The following EBF1 variants were observed in gnomAD, a reference collection of about 807,000 sequenced individuals.
EBF1 encodes the protein transcription factor COE1.
Under a neutral mutation model 68.4 loss-of-function variants are expected in EBF1, and 10 were observed. That is an observed-to-expected ratio of 0.15 (90% CI 0.09 to 0.25). EBF1 has a LOEUF of 0.25. Among genes scored for constraint, EBF1 ranks in the 10% least tolerant of loss-of-function variants. The probability of loss-of-function intolerance (pLI) is 1.00; values close to 1 mark genes in which losing one functional copy is unlikely to be tolerated. For missense variants in EBF1, 509 were observed against 794.4 expected, an observed-to-expected ratio of 0.64 and a Z score of 4.32; for synonymous variants, 298 against 299.8, an observed-to-expected ratio of 0.99 and a Z score of 0.06.
chr5:159,099,272 G>A (rs1783209884), intron 1 of EBF1, 73 bp downstream of exon 1: 3 of 1,249,460 alleles, frequency 2.4e-6, no homozygotes, highest in South Asian at 5.1e-5. Context: ...AGCTGCCGCT[G>A]CCGCTGCCGC....
At chr5:158,774,480 T>C (rs1774632313) in intron 10 of EBF1, among the ~76,000 whole-genome samples, 1 of 152,058 alleles carries the variant, frequency 6.6e-6, no homozygotes, top group Non-Finnish European at 1.5e-5. Flanking sequence ...ATAATATTTT[T>C]CAAGGGAAAA....
intron 9 of EBF1, among the ~76,000 whole-genome samples, chr5:158,792,162 T>G (rs1778747876): frequency 6.6e-6 from 1 of 152,152 alleles, no homozygotes; most frequent in African/African-American, 2.4e-5. Context: ...CTAAAACAAT[T>G]TTTTAAAAGA....
At chr5:158,866,861 A>G (rs796205381) in intron 6 of EBF1, among the ~76,000 whole-genome samples, 4,461 of 37,576 alleles carry the variant, frequency 0.12, 277 homozygotes, top group African/African-American at 0.17. Context: ...ATATATATAT[A>G]TATATATATA....
chr5:158,905,013 C>T (rs1217627788), intron 6 of EBF1, among the ~76,000 whole-genome samples: 2 of 152,194 alleles, frequency 1.3e-5, no homozygotes, highest in Non-Finnish European at 2.9e-5. Flanking sequence ...TCATATTATT[C>T]ACATCTCACA....
chr5:158,715,908 T>C (rs1191674126), intron 11 of EBF1, among the ~76,000 whole-genome samples: 1 of 152,214 alleles, frequency 6.6e-6, no homozygotes, highest in Non-Finnish European at 1.5e-5. Context: ...TCTCTAGGCC[T>C]ATGTTCATTT....
At chr5:158,919,349 C>T (rs191768445) in intron 6 of EBF1, among the ~76,000 whole-genome samples, 236 of 152,072 alleles carry the variant, frequency 1.6e-3, no homozygotes, top group African/African-American at 4.7e-3. Flanking sequence ...AGAAAATCCC[C>T]GGAGAGGGTT....
intron 6 of EBF1, among the ~76,000 whole-genome samples, chr5:158,918,735 T>G (rs1392557020): frequency 6.6e-6 from 1 of 152,224 alleles, no homozygotes; most frequent in Non-Finnish European, 1.5e-5. Context: ...GAGAATGGAC[T>G]AACACTGAAG....
At chr5:158,867,922 T>C (rs1229249965) in intron 6 of EBF1, among the ~76,000 whole-genome samples, 5 of 152,208 alleles carry the variant, frequency 3.3e-5, no homozygotes, top group Admixed American at 3.3e-4. Flanking sequence ...CATTTGTTTT[T>C]TCTACTTGCC....
At position 158,698,839 on chromosome 5, in the gene EBF1, A is replaced by C. The variant is rs1300829891; in HGVS notation, c.*272T>G. The C allele has an allele frequency of 2.0e-5, 7 of 342,712 alleles. No individual in the cohort carries two copies. Among genetic ancestry groups the C allele is most frequent in the Non-Finnish European group, 2.6e-5 (5 of 190,784 alleles). 21.2% of individuals were successfully genotyped at this position (342,712 alleles called of 1,614,324 possible). ...TTAAGCTTAAAAAAAAAAAAGAAAA[A>C]GAAAAAGTGGATTTGCTTTTGTCAA... On this transcript the variant is annotated 3_prime_UTR_variant, in exon 16 of 16. Coordinates refer to ENST00000313708, the MANE Select transcript of EBF1 (RefSeq NM_024007.5).
At chr5:158,916,961 A>G (rs7736883) in intron 6 of EBF1, among the ~76,000 whole-genome samples, 49,923 of 151,996 alleles carry the variant, frequency 0.33, 8,812 homozygotes, top group South Asian at 0.58. Flanking sequence ...TGCCTCCCAC[A>G]ACGTGTCTCT....
Position 158,713,000 on chromosome 5 carries a change from C to T in EBF1, c.1339G>A (p.Val447Ile), listed in dbSNP as rs1330428171. ...NSFSGQLAVN[V>I]SEASQATNQG... ...TTGGTGGCTTGTGATGCCTCGGAGA[C>T]ATTCACGGCCAGTTGTCCACTGAAC... The change falls in exon 13 of 16, where the codon GTC becomes ATC. Residue 447 changes from valine (V) to isoleucine (I), a missense_variant. Transcript: ENST00000313708. 2.0e-6 allele frequency: 3 copies of T among 1,521,878 alleles called. No individual in the cohort carries two copies. Among genetic ancestry groups the T allele is most frequent in the East Asian group, 2.4e-5 (1 of 41,318 alleles). 94.3% of individuals were successfully genotyped at this position (1,521,878 alleles called of 1,614,324 possible). A position where few individuals can be genotyped will look rare whatever the true frequency, so the allele number is the denominator to read the frequency against.
At chr5:158,845,299 T>C (rs1310150140) in intron 6 of EBF1, among the ~76,000 whole-genome samples, 2 of 152,178 alleles carry the variant, frequency 1.3e-5, no homozygotes, top group African/African-American at 4.8e-5. Context: ...CATTAAAACA[T>C]GAGAATAATA....
chr5:158,743,042 C>T (rs1766764183), intron 10 of EBF1, among the ~76,000 whole-genome samples: 1 of 152,188 alleles, frequency 6.6e-6, no homozygotes, highest in Admixed American at 6.5e-5. Context: ...TGATTGATTC[C>T]ATTTGAAAAA....
chr5:159,050,151 T>TC, intron 6 of EBF1, among the ~76,000 whole-genome samples: 4 of 120,390 alleles, frequency 3.3e-5, no homozygotes, highest in African/African-American at 1.3e-4. Flanking sequence ...TTCGTTTCTC[T>TC]TTCTCTCTCT....
At chr5:159,028,326 A>G (rs935578318) in intron 6 of EBF1, among the ~76,000 whole-genome samples, 6 of 152,148 alleles carry the variant, frequency 3.9e-5, no homozygotes, top group Non-Finnish European at 8.8e-5. Flanking sequence ...TAAACCCAAT[A>G]AATATACTGC....
chr5:159,088,012 C>G (rs1345251106), intron 4 of EBF1, among the ~76,000 whole-genome samples: 1 of 152,064 alleles, frequency 6.6e-6, no homozygotes, highest in African/African-American at 2.4e-5. Flanking sequence ...GAAATAAAAG[C>G]AAGTGAAACT....
intron 6 of EBF1, among the ~76,000 whole-genome samples, chr5:158,853,456 G>A (rs1321342969): frequency 2.0e-5 from 3 of 152,146 alleles, no homozygotes; most frequent in Non-Finnish European, 4.4e-5. Context: ...GTGCAGCTGG[G>A]GTTGCTGGAA....
intron 6 of EBF1, among the ~76,000 whole-genome samples, chr5:159,067,722 C>T (rs988409383): frequency 2.0e-5 from 3 of 152,134 alleles, no homozygotes; most frequent in Admixed American, 6.5e-5. Context: ...GAATGATACT[C>T]ATTCACATAA....
chr5:158,703,056 G>A (rs952654834), intron 15 of EBF1, among the ~76,000 whole-genome samples: 6 of 152,110 alleles, frequency 3.9e-5, no homozygotes, highest in Non-Finnish European at 8.8e-5. Flanking sequence ...ACATCAGCGG[G>A]GGTTCCAATG....
Sources: allele counts gnomAD v4.1 joint callset (sites outside exome capture counted in the v4.1 genomes callset), GRCh38; gene constraint gnomAD v4.1.1; transcripts MANE v1.5; gene names NCBI Gene and HGNC (gene_info 2026-07-23, HGNC 2026-07-21).